Variants in PRDX1 observed in about 807,000 individuals in gnomAD.
PRDX1 encodes peroxiredoxin 1, also known as peroxiredoxin-1.
Under a neutral mutation model 20.7 loss-of-function variants are expected in PRDX1, and 19 were observed. The ratio of observed to expected loss-of-function variants is 0.92; its 90% CI spans 0.64 to 1.35. The LOEUF is 1.35. Ranked by LOEUF, PRDX1 falls within the 40% of genes most tolerant of loss-of-function variation. PRDX1 has a pLI of 0.00. For synonymous variants in PRDX1, 89 were observed against 83.9 expected (o/e 1.06, Z -0.33); for missense variants, 226 against 240.0 (o/e 0.94, Z 0.38).
At chr1:45,512,624 A>C (rs939992322) in intron 5 of PRDX1, 3 of 151,988 alleles carry the variant, frequency 2.0e-5, no homozygotes, top group Admixed American at 6.6e-5. Flanking sequence ...AGCAGCAGAG[A>C]CCAACAGAGT....
chr1:45,518,314 A>T (rs1557615035), intron 2 of PRDX1, among the ~76,000 whole-genome samples: 1 of 151,964 alleles, frequency 6.6e-6, no homozygotes, highest in Non-Finnish European at 1.5e-5. Flanking sequence ...AATACAAAAA[A>T]AAATTAGCCA....
intron 1 of PRDX1, among the ~76,000 whole-genome samples, chr1:45,520,883 G>A (rs1475040171): frequency 6.6e-6 from 1 of 151,472 alleles, no homozygotes; most frequent in Non-Finnish European, 1.5e-5. Context: ...CAGCCTGGCC[G>A]ACAGAGCGAG....
At chr1:45,512,411 G>C (rs1240707214) in intron 5 of PRDX1, 3 of 150,862 alleles carry the variant, frequency 2.0e-5, no homozygotes, top group Admixed American at 6.6e-5. Flanking sequence ...GTGGACCCCT[G>C]TAGTCCTAGC....
Position 45,515,798 on chromosome 1 carries a change from A to G in PRDX1, c.116T>C (p.Val39Ala), listed in dbSNP as rs1237767314. Residue 39 changes from valine (V) to alanine (A), a missense_variant, in exon 3 of 6, where the codon GTT (valine) becomes GCT (alanine). Transcript: ENST00000319248. ...ISLSDYKGKYVVFFFYPLDFT... is the reference protein window; with the variant it reads ...ISLSDYKGKYAVFFFYPLDFT... ...GTCAAGAGGGTAAAAGAAGAACACA[A>G]CATATTTTCCTGGGGGGAAAATCGG... is the stretch of plus-strand genomic sequence containing the variant. 1.1e-5 allele frequency: 17 copies of G among 1,560,424 alleles called. No individual in the cohort carries two copies. Among genetic ancestry groups the G allele is most frequent in the Non-Finnish European group, 1.5e-5 (17 of 1,158,794 alleles).
intron 3 of PRDX1, 50 bp downstream of exon 3, chr1:45,515,598 CAAAAAA>C (rs67528538): frequency 1.7e-3 from 1,565 of 905,542 alleles, no homozygotes; most frequent in East Asian, 3.8e-3. Flanking sequence ...GACTCCATCT[CAAAAAA>C]AAAAAAAAAA....
intron 1 of PRDX1, among the ~76,000 whole-genome samples, chr1:45,520,678 C>CGAG (rs1643903081): frequency 7.4e-6 from 1 of 135,408 alleles, no homozygotes; most frequent in African/African-American, 2.8e-5. Context: ...GAGCCGAGAT[C>CGAG]CAGCCACTGC....
intron 1 of PRDX1, 150 bp from the exon 2 acceptor site, chr1:45,519,204 G>A (rs1643887435): frequency 1.8e-6 from 1 of 568,714 alleles, no homozygotes; most frequent in Admixed American, 4.2e-5. Flanking sequence ...AGAAGCTCCA[G>A]CCAGCAGTCA....
chr1:45,515,027 C>A, intron 3 of PRDX1, 32 bp from the exon 4 acceptor site: 1 of 1,612,234 alleles, frequency 6.2e-7, no homozygotes, highest in African/African-American at 1.3e-5. Context: ...CAGTTACATT[C>A]AAACTCTTGA....
At chr1:45,516,558 T>G (rs1044069007) in intron 2 of PRDX1, among the ~76,000 whole-genome samples, 1 of 151,992 alleles carries the variant, frequency 6.6e-6, no homozygotes, top group Non-Finnish European at 1.5e-5. Flanking sequence ...TAACAGAACT[T>G]CTAGCTGCAA....
chr1:45,519,157 TC>T, intron 1 of PRDX1, 103 bp from the exon 2 acceptor site: 1 of 762,684 alleles, frequency 1.3e-6, no homozygotes, highest in South Asian at 2.0e-5. Context: ...CAAGGCATTG[TC>T]CAGTGTCCCT....
Position 45,511,418 on chromosome 1 carries a change from C to G in PRDX1, c.515-4G>C. The G allele has an allele frequency of 6.2e-7, 1 of 1,611,208 alleles. No homozygotes were observed. The highest frequency in any genetic ancestry group is 8.5e-7 in the Non-Finnish European group (1 of 1,178,508). ...GGTTTCCAGCCAGCTGGGCACACTG[C>G]AAGAGAAAGGCACCACTAATTAATA... On this transcript the variant is annotated splice_region_variant and splice_polypyrimidine_tract_variant and intron_variant, in intron 5 of 5. Transcript: ENST00000319248.
At chr1:45,520,205 C>CAAAAAAAAAAAAAAAAAA (rs59260423) in intron 1 of PRDX1, among the ~76,000 whole-genome samples, 15 of 91,030 alleles carry the variant, frequency 1.6e-4, no homozygotes, top group African/African-American at 6.4e-4. Context: ...ACTCTGTCTC[C>CAAAAAAAAAAAAAAAAAA]AAAAAAAAAA....
At chr1:45,520,211 A>G (rs563764000) in intron 1 of PRDX1, among the ~76,000 whole-genome samples, 1 of 87,120 alleles carries the variant, frequency 1.1e-5, no homozygotes, top group Admixed American at 1.3e-4. Flanking sequence ...TCTCCAAAAA[A>G]AAAAAAAAAA....
intron 2 of PRDX1, among the ~76,000 whole-genome samples, chr1:45,516,487 CAGAG>C (rs750264196): frequency 1.3e-5 from 2 of 151,126 alleles, no homozygotes; most frequent in Non-Finnish European, 1.5e-5. Flanking sequence ...TACATATACA[CAGAG>C]AGAGAGAGAG....
rs10610450 is a variant in PRDX1 at position 45,511,583 on chromosome 1, CAT to C, written c.515-171_515-170del. The C allele has an allele frequency of 0.029, 12,968 of 444,644 alleles. 1,256 individuals are homozygous for C. The highest frequency in any genetic ancestry group is 0.22 in the African/African-American group (10,836 of 49,582). The allele number at this position is 444,644 out of a possible 1,614,324, so 27.5% of individuals were successfully genotyped here. On this transcript the variant is annotated intron_variant, in intron 5 of 5. Coordinates refer to ENST00000319248, the MANE Select transcript of PRDX1 (RefSeq NM_181697.3). The stretch of plus-strand genomic sequence containing the variant: ...TAGTATGAGCTAACCATTTTACAAA[CAT>C]ATAATCATCACCACAGCCTTAAGAT...
At chr1:45,520,083 T>TAAA (rs1309892822) in intron 1 of PRDX1, among the ~76,000 whole-genome samples, 2 of 151,390 alleles carry the variant, frequency 1.3e-5, no homozygotes, top group African/African-American at 4.9e-5. Flanking sequence ...TGCATGCCTG[T>TAAA]AATCGCAACT....
chr1:45,511,474 C>T, intron 5 of PRDX1, 60 bp from the exon 6 acceptor site: 1 of 1,425,702 alleles, frequency 7.0e-7, no homozygotes, highest in Non-Finnish European at 9.8e-7. Flanking sequence ...CACCATTCTC[C>T]TATGGACAAA....
At chr1:45,516,236 T>G (rs1643861009) in intron 2 of PRDX1, among the ~76,000 whole-genome samples, 1 of 152,228 alleles carries the variant, frequency 6.6e-6, no homozygotes, top group Admixed American at 6.5e-5. Flanking sequence ...CAATAAGAAG[T>G]CACAGCCTTT....
At chr1:45,518,873 C>T in intron 2 of PRDX1, 65 bp downstream of exon 2, 1 of 1,379,828 alleles carries the variant, frequency 7.2e-7, no homozygotes. Flanking sequence ...TGACACAAAT[C>T]TAACAAGCCA....
Sources: gnomAD v4.1 joint callset for allele counts (sites outside exome capture counted in the v4.1 genomes callset) on GRCh38, gnomAD v4.1.1 for gene constraint, MANE v1.5 for transcripts, NCBI Gene and HGNC (gene_info 2026-07-23, HGNC 2026-07-21) for gene names.